The following AEBP2 variants were observed in gnomAD, a reference collection of about 807,000 sequenced individuals.
AEBP2 encodes the protein zinc finger protein AEBP2.
Under a neutral mutation model 50.8 loss-of-function variants are expected in AEBP2, and 10 were observed. The ratio of observed to expected loss-of-function variants is 0.20; its 90% confidence interval spans 0.12 to 0.33. The LOEUF (loss-of-function observed/expected upper bound fraction) is 0.33, where lower values mean the gene tolerates loss of function less well. Ranked by LOEUF, AEBP2 falls within the 10% of genes least tolerant of loss-of-function variation. The pLI is 1.00. For synonymous variants in AEBP2, 296 were observed against 261.3 expected, an observed-to-expected ratio of 1.13 and a Z score of -1.28; for missense variants, 570 against 688.0, an observed-to-expected ratio of 0.83 and a Z score of 1.92.
At chr12:19,509,530 G>A (rs1303594492) in intron 5 of AEBP2, among the ~76,000 whole-genome samples, 1 of 152,116 alleles carries the variant, frequency 6.6e-6, no homozygotes, top group East Asian at 1.9e-4. Flanking sequence ...CAGATCAGCT[G>A]AGCTCAGGAG....
At chr12:19,405,522 C>T (rs1488289208) in intron 1 of AEBP2, among the ~76,000 whole-genome samples, 2 of 151,750 alleles carry the variant, frequency 1.3e-5, no homozygotes, top group Non-Finnish European at 2.9e-5. Flanking sequence ...GACAGGGTTT[C>T]ACCATGTTGG....
chr12:19,413,144 A>G, intron 1 of AEBP2: 1 of 726,048 alleles, frequency 1.4e-6, no homozygotes, highest in South Asian at 1.4e-5. Context: ...ACCCAAGTTT[A>G]GCCGACAGGA....
At chr12:19,452,961 CTTTTTTTTTTTTTT>C (rs34876719) in intron 1 of AEBP2, among the ~76,000 whole-genome samples, 1 of 106,900 alleles carries the variant, frequency 9.4e-6, no homozygotes, top group Admixed American at 1.2e-4. Context: ...GACTTACGTT[CTTTTTTTTTTTTTT>C]TTTTTTTTGA....
chr12:19,479,717 G>GTTTTTTTTTTTTT (rs369410408), intron 3 of AEBP2, among the ~76,000 whole-genome samples: 2 of 22,348 alleles, frequency 8.9e-5, no homozygotes, highest in Non-Finnish European at 1.8e-4. Context: ...CTCTTTGTGG[G>GTTTTTTTTTTTTT]TTTTTTTTTT....
At chr12:19,435,661 A>G (rs1000455816), upstream of AEBP2, among the ~76,000 whole-genome samples, 6 of 152,158 alleles carry the variant, frequency 3.9e-5, no homozygotes, top group African/African-American at 1.2e-4. Flanking sequence ...TTTTCCGTAT[A>G]TTGCTTCTCA....
At chr12:19,412,240 G>T (rs2095739586) in intron 1 of AEBP2, among the ~76,000 whole-genome samples, 1 of 152,182 alleles carries the variant, frequency 6.6e-6, no homozygotes, top group Non-Finnish European at 1.5e-5. Flanking sequence ...TGTGAAGACT[G>T]CATATTTTGA....
At chr12:19,509,185 T>C (rs939659450) in intron 5 of AEBP2, 6 of 403,556 alleles carry the variant, frequency 1.5e-5, no homozygotes, top group East Asian at 4.6e-5. Context: ...TCAAACATGC[T>C]TTCCTTATTA....
At chr12:19,420,852 A>G (rs183944428) in intron 1 of AEBP2, among the ~76,000 whole-genome samples, 211 of 152,050 alleles carry the variant, frequency 1.4e-3, no homozygotes, top group African/African-American at 4.8e-3. Context: ...AAGCATCTCC[A>G]TCACCCCACC....
At position 19,513,702 on chromosome 12, in the gene AEBP2, G is replaced by A. The variant is rs565461145; in HGVS notation, c.1368-969G>A. 2.0e-5 allele frequency among the ~76,000 whole-genome samples: 3 copies of A among 152,278 alleles called. No individual in the cohort carries two copies. The East Asian group carries it at 5.8e-4, about 29-fold the overall frequency. On this transcript the variant is annotated intron_variant, in intron 6 of 7. Coordinates refer to ENST00000266508, the MANE Select transcript of AEBP2 (RefSeq NM_153207.5). ...TGATTGAGCCCAGGAGGTTGAAGCT[G>A]CAGTGAGCCGTGATTGTACCACTGC...
rs145057380 is a variant in AEBP2, at chr12:19,412,725, G to A, written c.-17+8509G>A. ...CTGGTGTTACAGGACAGAGAAATAT[G>A]TTATGGAAAGGGGTCCCGAACAAGA... is the stretch of plus-strand genomic sequence containing the variant. On this transcript the variant is annotated intron_variant, in intron 1 of 3. Transcript: ENST00000538425. Among the ~76,000 whole-genome samples, 210 of 152,298 alleles carry A rather than the reference G, an allele frequency of 1.4e-3. 1 individual carries two copies. The highest frequency in any genetic ancestry group is 4.7e-3 in the African/African-American group (196 of 41,544).
At chr12:19,469,246 C>T (rs371426595) in intron 2 of AEBP2, among the ~76,000 whole-genome samples, 62 of 152,230 alleles carry the variant, frequency 4.1e-4, no homozygotes, top group African/African-American at 1.4e-3. Flanking sequence ...CTTTTAATGG[C>T]TGTGTGGGTT....
intron 4 of AEBP2, among the ~76,000 whole-genome samples, chr12:19,497,703 A>T (rs572907048): frequency 6.6e-6 from 1 of 152,202 alleles, no homozygotes; most frequent in Non-Finnish European, 1.5e-5. Context: ...AACTCCTGGT[A>T]TCAAGTGATC....
intron 7 of AEBP2, among the ~76,000 whole-genome samples, chr12:19,516,691 A>G (rs1158608507): frequency 6.6e-6 from 1 of 152,064 alleles, no homozygotes; most frequent in Non-Finnish European, 1.5e-5. Flanking sequence ...CTTAAGATAT[A>G]TTAGGTGCTT....
intron 3 of AEBP2, among the ~76,000 whole-genome samples, chr12:19,480,062 A>G (rs1010776454): frequency 3.3e-5 from 5 of 150,056 alleles, no homozygotes; most frequent in African/African-American, 9.8e-5. Flanking sequence ...TCATTGTGTT[A>G]TTGTTTTATA....
rs60750234 is a variant in AEBP2 at position 19,501,797 on chromosome 12, G to GTTTGTTT, written c.1299+1579_1299+1580insGTTTTTT. 5.6e-4 allele frequency among the ~76,000 whole-genome samples: 40 copies of GTTTGTTT among 70,902 alleles called. 1 individual carries two copies. The highest frequency in any genetic ancestry group is 9.7e-4 in the Admixed American group (5 of 5,154). 46.5% of individuals were successfully genotyped at this position (70,902 alleles called of 152,430 possible). On this transcript the variant is annotated intron_variant, in intron 5 of 7. Transcript: ENST00000266508. The stretch of plus-strand genomic sequence containing the variant: ...CGTCGTCTCCTATAAAAATGAGTTT[G>GTTTGTTT]TTTTTTTTTTTTTTTTTTTTGCATT...
At chr12:19,418,389 C>CTTTTT (rs372043971) in intron 1 of AEBP2, among the ~76,000 whole-genome samples, 79 of 94,928 alleles carry the variant, frequency 8.3e-4, no homozygotes, top group African/African-American at 1.5e-3. Context: ...CTATGCCTGG[C>CTTTTT]TTTTTTTTTT....
chr12:19,512,669 CTTT>C (rs375847006), intron 6 of AEBP2, among the ~76,000 whole-genome samples: 1 of 147,180 alleles, frequency 6.8e-6, no homozygotes. Context: ...AGCCCCCCCT[CTTT>C]TTTTTTTTGC....
At chr12:19,461,446 A>AT in intron 1 of AEBP2, among the ~76,000 whole-genome samples, 1 of 152,168 alleles carries the variant, frequency 6.6e-6, no homozygotes, top group Non-Finnish European at 1.5e-5. Flanking sequence ...ACTTTATTTT[A>AT]TTTTTTGAGA....
chr12:19,450,566 A>G (rs995350223), intron 1 of AEBP2, among the ~76,000 whole-genome samples: 2 of 143,414 alleles, frequency 1.4e-5, no homozygotes, highest in African/African-American at 5.2e-5. Flanking sequence ...ACGGTGACTC[A>G]TGCCTGTAAT....
Sources: gnomAD v4.1 joint callset for allele counts (sites outside exome capture counted in the v4.1 genomes callset) on GRCh38, gnomAD v4.1.1 for gene constraint, MANE v1.5 for transcripts, NCBI Gene and HGNC (gene_info 2026-07-23, HGNC 2026-07-21) for gene names.